CAPN2: variants seen among roughly 807,000 people sequenced by gnomAD.
CAPN2 encodes the protein calpain 2.
Under a neutral mutation model 102.3 loss-of-function variants are expected in CAPN2, and 92 were observed. That is an observed-to-expected ratio of 0.90 (90% CI 0.76 to 1.07). The LOEUF is 1.07. CAPN2 is among the 50% of genes least tolerant of loss of function. The pLI, the probability that CAPN2 is intolerant of heterozygous loss-of-function variation, is 0.00. For synonymous variants in CAPN2, 340 were observed against 355.4 expected, an observed-to-expected ratio of 0.96 and a Z score of 0.49; for missense variants, 800 against 909.4, an observed-to-expected ratio of 0.88 and a Z score of 1.55.
intron 2 of CAPN2, among the ~76,000 whole-genome samples, chr1:223,735,471 T>G (rs1430221486): frequency 6.7e-6 from 1 of 149,938 alleles, no homozygotes; most frequent in African/African-American, 2.5e-5. Flanking sequence ...GAGGTTGCAG[T>G]GAGCTAAGAT....
intron 2 of CAPN2, among the ~76,000 whole-genome samples, chr1:223,743,517 G>C (rs757238948): frequency 1.3e-5 from 2 of 151,934 alleles, no homozygotes; most frequent in African/African-American, 2.4e-5. Flanking sequence ...TAGAGATGAG[G>C]GTCTCCCTCT....
intron 2 of CAPN2, among the ~76,000 whole-genome samples, chr1:223,742,732 G>A (rs1660655912): frequency 6.6e-6 from 1 of 151,942 alleles, no homozygotes; most frequent in Non-Finnish European, 1.5e-5. Context: ...TGTTGCCGAG[G>A]CCAGTGTCGA....
intron 2 of CAPN2, among the ~76,000 whole-genome samples, chr1:223,722,267 CTT>C (rs1660068598): frequency 2.3e-5 from 3 of 130,746 alleles, no homozygotes; most frequent in African/African-American, 8.5e-5. Context: ...TCCTTTCTTT[CTT>C]TTTCTTTCTT....
chr1:223,722,196 T>C (rs1002891458), intron 2 of CAPN2, among the ~76,000 whole-genome samples: 1 of 152,064 alleles, frequency 6.6e-6, no homozygotes, highest in Non-Finnish European at 1.5e-5. Context: ...AGGGGTCAGA[T>C]GTGCATTCCT....
chr1:223,757,083 C>T (rs1043280615), intron 10 of CAPN2, among the ~76,000 whole-genome samples: 8 of 152,178 alleles, frequency 5.3e-5, no homozygotes, highest in Admixed American at 3.3e-4. Context: ...TCTTTCCCTG[C>T]GTGGGAGGCC....
intron 16 of CAPN2, among the ~76,000 whole-genome samples, chr1:223,767,347 A>G (rs1476312752): frequency 1.7e-5 from 1 of 57,950 alleles, no homozygotes; most frequent in African/African-American, 7.0e-5. Context: ...CCCTCCCCCC[A>G]CCCCACAACA....
intron 4 of CAPN2, 56 bp from the exon 5 acceptor site, chr1:223,746,941 A>G: frequency 6.7e-7 from 1 of 1,500,806 alleles, no homozygotes; most frequent in Admixed American, 1.8e-5. Flanking sequence ...GCTGTTTGAG[A>G]GATTATAGCA....
chr1:223,766,685 G>A (rs991119201), intron 16 of CAPN2, among the ~76,000 whole-genome samples: 32 of 152,302 alleles, frequency 2.1e-4, no homozygotes, highest in East Asian at 1.5e-3. Context: ...CATGGCGGGC[G>A]GTGGCTCATG....
intron 2 of CAPN2, among the ~76,000 whole-genome samples, chr1:223,733,127 C>T (rs1051628974): frequency 1.3e-5 from 2 of 152,170 alleles, no homozygotes; most frequent in African/African-American, 4.8e-5. Context: ...TCCTGCAGGA[C>T]TGTCAGCAGC....
exon 1 of CAPN2, chr1:223,701,720 G>C (rs1411415584): frequency 6.6e-6 from 1 of 152,222 alleles, no homozygotes; most frequent in African/African-American, 2.4e-5. Context: ...TATTTTTAAA[G>C]AAAGAAAGAA....
intron 14 of CAPN2, 38 bp from the exon 15 acceptor site, chr1:223,764,112 G>A (rs763601472): frequency 2.7e-5 from 43 of 1,567,704 alleles, no homozygotes; most frequent in Middle Eastern, 1.7e-4. Flanking sequence ...CAGCTCCCAC[G>A]GGGGGCCAAT....
rs553258410 is a variant in CAPN2, at chr1:223,725,795, C to T, written c.307+7964C>T. Among the ~76,000 whole-genome samples, 2 of 152,208 alleles carry T rather than the reference C, an allele frequency of 1.3e-5. No individual in the cohort carries two copies. The highest frequency in any genetic ancestry group is 1.3e-4 in the Admixed American group (2 of 15,284). On this transcript the variant is annotated intron_variant, in intron 2 of 20. Transcript: ENST00000295006. This position sits in a 1 kb window ranked among gnomAD's most constrained non-coding sequence, Gnocchi z 4.1. ...CCAGAGGCCCTTCAGTGCCAAGGAA[C>T]GTGGACTCTCTCCTATCCCAGCACA...
In CAPN2 at chr1:223,754,752, G is replaced by A. The variant is rs1261177680; in HGVS notation, c.1136-728G>A. Among the ~76,000 whole-genome samples the A allele has an allele frequency of 6.6e-6, 1 of 152,204 alleles. No homozygotes were observed. Among genetic ancestry groups the A allele is most frequent in the Non-Finnish European group, 1.5e-5 (1 of 68,030 alleles). On this transcript the variant is annotated intron_variant, in intron 9 of 20. Transcript: ENST00000295006. The surrounding 1 kb of genome is among the most constrained non-coding windows in gnomAD (Gnocchi z 4.7). The stretch of plus-strand genomic sequence containing the variant: ...GAATAGGCCTGAGAGGACAAGGGAC[G>A]CAGAACAAGAAAGAGTCTGGAATTA...
At chr1:223,739,991 C>CCTG (rs1262241194) in intron 2 of CAPN2, among the ~76,000 whole-genome samples, 4 of 152,186 alleles carry the variant, frequency 2.6e-5, no homozygotes, top group Non-Finnish European at 5.9e-5. Flanking sequence ...GGGCACCTGA[C>CCTG]CAGGAAGAAA....
chr1:223,745,038 T>G (rs1240577948), intron 3 of CAPN2, among the ~76,000 whole-genome samples: 2 of 133,624 alleles, frequency 1.5e-5, no homozygotes, highest in Non-Finnish European at 3.0e-5. Flanking sequence ...CAAGACTTGG[T>G]CTCAAAAAAA....
intron 16 of CAPN2, among the ~76,000 whole-genome samples, chr1:223,767,323 A>G (rs868343082): frequency 8.3e-5 from 12 of 144,574 alleles, no homozygotes; most frequent in Non-Finnish European, 1.7e-4. Flanking sequence ...ATATCTCCCA[A>G]TGCCATCCCT....
At chr1:223,721,913 C>G (rs1660058529) in intron 2 of CAPN2, among the ~76,000 whole-genome samples, 1 of 152,192 alleles carries the variant, frequency 6.6e-6, no homozygotes, top group Admixed American at 6.5e-5. Context: ...TATAGAATCC[C>G]AGACAAATTC....
At position 223,766,399 on chromosome 1, in the gene CAPN2, G is replaced by T. The variant is rs765110911; in HGVS notation, c.1723G>T (p.Glu575Ter). 1.2e-6 allele frequency: 2 copies of T among 1,613,900 alleles called. No individual in the cohort carries two copies. Among genetic ancestry groups the T allele is most frequent in the Admixed American group, 1.7e-5 (1 of 60,030 alleles). Residue 575 changes from glutamate to a stop codon, truncating the protein, a stop_gained, in exon 16 of 21, where the codon GAG becomes TAG. Transcript: ENST00000295006. LOFTEE classifies it high-confidence loss of function. ...QDIKSDGFSI[E>*]TCKIMVDMLD... ...TATCAAGTCAGATGGCTTCAGCATC[G>T]AGACATGCAAAATTATGGTTGACAT...
chr1:223,769,005 C>A (rs1221561795), intron 16 of CAPN2, among the ~76,000 whole-genome samples: 2 of 152,204 alleles, frequency 1.3e-5, no homozygotes, highest in Non-Finnish European at 2.9e-5. Flanking sequence ...AGGCCACCCA[C>A]CTTTCCCCAA....
Sources: allele counts gnomAD v4.1 joint callset (sites outside exome capture counted in the v4.1 genomes callset), GRCh38; gene constraint gnomAD v4.1.1; non-coding constraint Gnocchi (gnomAD v3.1); transcripts MANE v1.5; gene names NCBI Gene and HGNC (gene_info 2026-07-23, HGNC 2026-07-21).